Variants in TENT5D observed in about 807,000 individuals in gnomAD.
TENT5D encodes terminal nucleotidyltransferase 5D.
For missense variants in TENT5D, 191 were observed against 287.0 expected, an observed-to-expected ratio of 0.67 and a Z score of 2.42; for synonymous variants, 103 against 100.6, an observed-to-expected ratio of 1.02 and a Z score of -0.15.
intron 3 of TENT5D, among the ~76,000 whole-genome samples, chrX:80,396,533 TA>T (rs952222082): frequency 4.5e-5 from 5 of 110,528 alleles, no homozygotes; most frequent in African/African-American, 1.7e-4. Context: ...GCACCGCCCT[TA>T]ATCCATTTAA....
chrX:80,430,802 G>A (rs1356497301), intron 1 of TENT5D, among the ~76,000 whole-genome samples: 1 of 111,031 alleles, frequency 9.0e-6, no homozygotes, highest in African/African-American at 3.3e-5. Context: ...GACTGCAGAT[G>A]GTTTGTTACC....
At chrX:80,422,302 G>A (rs1227320012) in intron 1 of TENT5D, among the ~76,000 whole-genome samples, 2 of 110,532 alleles carry the variant, frequency 1.8e-5, no homozygotes, top group Non-Finnish European at 3.8e-5. Context: ...GTGAAACCCC[G>A]TCTCTACTAA....
At chrX:80,368,394 T>C (rs1005604979) in intron 3 of TENT5D, among the ~76,000 whole-genome samples, 1 of 111,753 alleles carries the variant, frequency 8.9e-6, no homozygotes, top group Non-Finnish European at 1.9e-5. Flanking sequence ...CGCACTGCCT[T>C]CTTGTATATT....
At chrX:80,398,769 T>C (rs1931336078) in intron 3 of TENT5D, among the ~76,000 whole-genome samples, 1 of 108,982 alleles carries the variant, frequency 9.2e-6, no homozygotes, top group Non-Finnish European at 1.9e-5. Flanking sequence ...TTGATCTATG[T>C]GTCTTTTTTT....
chrX:80,398,159 G>T (rs1032525272), intron 3 of TENT5D, among the ~76,000 whole-genome samples: 3 of 111,962 alleles, frequency 2.7e-5, no homozygotes, highest in Non-Finnish European at 3.8e-5. Context: ...TCATTTCCCT[G>T]TTGATCAGTG....
chrX:80,406,480 A>T lies in TENT5D; in HGVS notation c.-141-32130A>T, dbSNP rs1272309958. On this transcript the variant is annotated intron_variant, in intron 3 of 4. Coordinates refer to the TENT5D transcript ENST00000538312. ...AGAAGCCTCAGGAGCCGATGTGATC[A>T]ACTGGAAGAAAGGGTATCAGCAATG... Among the ~76,000 whole-genome samples the T allele has an allele frequency of 3.7e-5, 4 of 106,911 alleles. No homozygotes were observed. In the South Asian group the frequency reaches 1.3e-3, roughly 35 times the overall value. 92.8% of individuals were successfully genotyped at this position (106,911 alleles called of 115,157 possible). A position where few individuals can be genotyped will look rare whatever the true frequency, so the allele number is the denominator to read the frequency against.
chrX:80,410,687 G>A (rs1466707796), intron 3 of TENT5D, among the ~76,000 whole-genome samples: 6 of 104,756 alleles, frequency 5.7e-5, no homozygotes, highest in African/African-American at 1.0e-4. Context: ...TCAGTGTGGC[G>A]ATTCCTCAGG....
chrX:80,405,984 G>C (rs1288128413), intron 3 of TENT5D, among the ~76,000 whole-genome samples: 5 of 102,169 alleles, frequency 4.9e-5, no homozygotes, highest in Admixed American at 1.1e-4. Flanking sequence ...CCCCCAGCAG[G>C]GGCACACTGA....
chrX:80,374,851 T>A (rs1303815956), intron 3 of TENT5D, among the ~76,000 whole-genome samples: 4 of 111,260 alleles, frequency 3.6e-5, no homozygotes, highest in Non-Finnish European at 7.5e-5. Context: ...ATTTTACTGG[T>A]TAAGCATCCT....
chrX:80,415,505 A>G (rs1244798367), upstream of TENT5D, among the ~76,000 whole-genome samples: 1 of 111,991 alleles, frequency 8.9e-6, no homozygotes, highest in East Asian at 2.8e-4. Flanking sequence ...ATTTTTTAAC[A>G]TAAATGGATG....
At chrX:80,419,673 G>A (rs1033044669), upstream of TENT5D, among the ~76,000 whole-genome samples, 1 of 112,203 alleles carries the variant, frequency 8.9e-6, no homozygotes, top group Non-Finnish European at 1.9e-5. Flanking sequence ...ATTAGTTGTT[G>A]GCACTCAAAA....
intron 3 of TENT5D, among the ~76,000 whole-genome samples, chrX:80,365,168 G>A (rs1488476693): frequency 9.0e-6 from 1 of 111,515 alleles, no homozygotes; most frequent in Non-Finnish European, 1.9e-5. Context: ...GAAATTGTGA[G>A]TTATGGAACT....
intron 3 of TENT5D, among the ~76,000 whole-genome samples, chrX:80,368,288 C>T (rs1484562595): frequency 9.0e-6 from 1 of 111,727 alleles, no homozygotes; most frequent in Non-Finnish European, 1.9e-5. Context: ...TTGACTTTCA[C>T]TCAGCCTGGA....
chrX:80,416,303 G>A (rs1007174592), upstream of TENT5D, among the ~76,000 whole-genome samples: 2 of 92,294 alleles, frequency 2.2e-5, no homozygotes, highest in African/African-American at 4.2e-5. Flanking sequence ...CCTTCAGTTC[G>A]GCTGTGATTA....
At chrX:80,360,946 G>T (rs764306482) in intron 3 of TENT5D, among the ~76,000 whole-genome samples, 21 of 111,817 alleles carry the variant, frequency 1.9e-4, no homozygotes, top group Non-Finnish European at 7.5e-5. Context: ...CTTCCATTTT[G>T]CAGAGAAGCA....
intron 3 of TENT5D, among the ~76,000 whole-genome samples, chrX:80,381,097 C>T (rs1006644076): frequency 9.0e-6 from 1 of 111,690 alleles, no homozygotes; most frequent in African/African-American, 3.3e-5. Flanking sequence ...TAGTTGGTAC[C>T]AGTTGTTCCT....
chrX:80,362,186 C>T (rs1437407477), intron 3 of TENT5D, among the ~76,000 whole-genome samples: 38 of 109,680 alleles, frequency 3.5e-4, no homozygotes, highest in Admixed American at 1.9e-4. Flanking sequence ...TTTCTTGAGA[C>T]GGAGTCTTGC....
At chrX:80,339,376 A>C (rs948812433) in intron 2 of TENT5D, among the ~76,000 whole-genome samples, 5 of 111,387 alleles carry the variant, frequency 4.5e-5, no homozygotes, top group Non-Finnish European at 9.4e-5. Context: ...GTCGAAACTG[A>C]GGGTCTTTCC....
chrX:80,343,623 C>G (rs1404059946), intron 3 of TENT5D, among the ~76,000 whole-genome samples: 1 of 109,915 alleles, frequency 9.1e-6, no homozygotes, highest in Non-Finnish European at 1.9e-5. Context: ...TGGTCTTGAA[C>G]TCCCGACCTC....
Sources: allele counts gnomAD v4.1 joint callset (sites outside exome capture counted in the v4.1 genomes callset), GRCh38; gene constraint gnomAD v4.1.1; transcripts MANE v1.5; gene names NCBI Gene and HGNC (gene_info 2026-07-23, HGNC 2026-07-21).